The following MICAL3 variants were observed in gnomAD, a reference collection of about 807,000 sequenced individuals.
MICAL3 encodes microtubule associated monooxygenase, calponin and LIM domain containing 3, also known as [F-actin]-monooxygenase MICAL3.
A neutral mutation model predicts 207.4 loss-of-function variants in MICAL3; 62 were observed. The ratio of observed to expected loss-of-function variants is 0.30; its 90% confidence interval spans 0.24 to 0.37. The LOEUF is 0.37. Ranked by LOEUF, MICAL3 falls within the 10% of genes least tolerant of loss-of-function variation. The probability of loss-of-function intolerance (pLI) is 1.00; values close to 1 mark genes in which losing one functional copy is unlikely to be tolerated. For synonymous variants in MICAL3, 1,077 were observed against 1,069.3 expected (o/e 1.01, Z -0.14); for missense variants, 2,368 against 2,635.6 (o/e 0.90, Z 2.22).
chr22:17,933,930 T>C (rs993974897), intron 1 of MICAL3, among the ~76,000 whole-genome samples: 2 of 152,204 alleles, frequency 1.3e-5, no homozygotes, highest in African/African-American at 4.8e-5. Context: ...CAGGAAGAAG[T>C]TGAATCTCTG....
At chr22:17,992,018 C>T (rs1330969947) in intron 1 of MICAL3, among the ~76,000 whole-genome samples, 2 of 152,170 alleles carry the variant, frequency 1.3e-5, no homozygotes, top group Non-Finnish European at 2.9e-5. Flanking sequence ...CCTCCATGCC[C>T]AGGACTGCTC....
intron 20 of MICAL3, among the ~76,000 whole-genome samples, chr22:17,839,258 A>ATTTTTTTTTTT (rs58568915): frequency 1.3e-4 from 14 of 110,384 alleles, no homozygotes; most frequent in African/African-American, 4.2e-4. Flanking sequence ...CGGGCTCTTC[A>ATTTTTTTTTTT]TTTTTTTTTT....
At chr22:17,920,276 T>C (rs922686142) in intron 1 of MICAL3, among the ~76,000 whole-genome samples, 4 of 152,190 alleles carry the variant, frequency 2.6e-5, no homozygotes, top group Non-Finnish European at 4.4e-5. Context: ...TCTCCACCCA[T>C]AGGTGGGGCC....
intron 1 of MICAL3, among the ~76,000 whole-genome samples, chr22:18,002,322 G>A (rs1923088511): frequency 6.6e-6 from 1 of 151,394 alleles, no homozygotes; most frequent in African/African-American, 2.4e-5. Flanking sequence ...TTTTGGAGGA[G>A]GGCGCTAAGA....
At chr22:17,808,686 T>G (rs181881922) in intron 29 of MICAL3, among the ~76,000 whole-genome samples, 158 bp downstream of exon 29, 97 of 152,314 alleles carry the variant, frequency 6.4e-4, no homozygotes, top group African/African-American at 2.3e-3. Flanking sequence ...TATTTTCTTT[T>G]GCTTAACAGG....
chr22:18,018,769 TAC>T (rs71317122), intron 1 of MICAL3, among the ~76,000 whole-genome samples: 2 of 137,654 alleles, frequency 1.5e-5, no homozygotes, highest in African/African-American at 3.0e-5. Context: ...TCTATCTATC[TAC>T]ACACACACAC....
chr22:17,993,411 C>T (rs1407134568), intron 1 of MICAL3, among the ~76,000 whole-genome samples: 2 of 152,186 alleles, frequency 1.3e-5, no homozygotes, highest in Non-Finnish European at 2.9e-5. Context: ...AATGCTCTCC[C>T]TCCACTTGCC....
At chr22:18,014,601 A>T (rs1290745514) in intron 1 of MICAL3, among the ~76,000 whole-genome samples, 1 of 152,174 alleles carries the variant, frequency 6.6e-6, no homozygotes, top group Non-Finnish European at 1.5e-5. Context: ...GTTGTGACCT[A>T]CTTAAAATAT....
At chr22:17,854,070 C>T (rs1413152898) in intron 19 of MICAL3, among the ~76,000 whole-genome samples, 1 of 152,170 alleles carries the variant, frequency 6.6e-6, no homozygotes, top group Non-Finnish European at 1.5e-5. Flanking sequence ...ACCCCACGCC[C>T]ACTTCTCCCA....
intron 1 of MICAL3, among the ~76,000 whole-genome samples, chr22:17,994,040 C>T (rs547422600): frequency 2.2e-4 from 34 of 152,298 alleles, no homozygotes; most frequent in African/African-American, 7.0e-4. Flanking sequence ...GAGGACTGAG[C>T]GCGTTAAGAC....
chr22:17,904,865 C>A lies in MICAL3; in HGVS notation c.265-26G>T, dbSNP rs766425036. On this transcript the variant is annotated intron_variant, in intron 2 of 31. Transcript: ENST00000441493. ...CTGAAAAACACAGCTGCTTTCAGGGCAGGCGGCACTTCCAACAAACAATTC... is the reference window on the plus strand; with the variant it reads ...CTGAAAAACACAGCTGCTTTCAGGGAAGGCGGCACTTCCAACAAACAATTC... 4.6e-6 allele frequency: 7 copies of A among 1,532,048 alleles called. No homozygotes were observed. The African/African-American group carries it at 8.2e-5, about 18-fold the overall frequency. The allele number at this position is 1,532,048 out of a possible 1,614,324, so 94.9% of individuals were successfully genotyped here.
At chr22:17,891,973 A>G (rs1039950111) in intron 11 of MICAL3, among the ~76,000 whole-genome samples, 3 of 152,204 alleles carry the variant, frequency 2.0e-5, no homozygotes, top group Admixed American at 6.5e-5. Context: ...CCTGGCTTAC[A>G]GCAGCTCTGA....
chr22:18,008,214 G>C (rs1357405249), intron 1 of MICAL3, among the ~76,000 whole-genome samples: 2 of 152,084 alleles, frequency 1.3e-5, no homozygotes, highest in East Asian at 3.8e-4. Flanking sequence ...ACTCCAGCCT[G>C]GGTAAAAAGA....
intron 1 of MICAL3, among the ~76,000 whole-genome samples, chr22:17,907,909 A>C (rs558904800): frequency 6.6e-6 from 1 of 152,224 alleles, no homozygotes; most frequent in African/African-American, 2.4e-5. Context: ...CGAATTGAAC[A>C]GCAGTAAATG....
At chr22:17,837,160 A>C (rs1455364677) in intron 20 of MICAL3, among the ~76,000 whole-genome samples, 1 of 152,240 alleles carries the variant, frequency 6.6e-6, no homozygotes, top group African/African-American at 2.4e-5. Context: ...AATCCATGCT[A>C]AAACTAGCAT....
chr22:17,954,177 C>A (rs889726884), intron 1 of MICAL3, among the ~76,000 whole-genome samples: 2 of 152,014 alleles, frequency 1.3e-5, no homozygotes, highest in East Asian at 3.9e-4. Context: ...TCATCCTTAG[C>A]GCCTAGAACC....
chr22:17,810,542 T>C (rs2062036973), intron 28 of MICAL3, among the ~76,000 whole-genome samples, 161 bp downstream of exon 28: 1 of 152,220 alleles, frequency 6.6e-6, no homozygotes, highest in Non-Finnish European at 1.5e-5. Flanking sequence ...GCAGGGCCTC[T>C]GTGGCTGCAC....
chr22:17,926,717 G>A (rs541461374), intron 1 of MICAL3, among the ~76,000 whole-genome samples: 5 of 152,342 alleles, frequency 3.3e-5, no homozygotes, highest in African/African-American at 1.2e-4. Context: ...AGGCGTGGGC[G>A]TGCAGGCAAC....
At chr22:18,010,371 T>C (rs1313112417) in intron 1 of MICAL3, among the ~76,000 whole-genome samples, 3 of 152,150 alleles carry the variant, frequency 2.0e-5, no homozygotes, top group Non-Finnish European at 4.4e-5. Flanking sequence ...GCAAGGCACT[T>C]GTCTGGTTGC....
Sources: allele counts gnomAD v4.1 joint callset (sites outside exome capture counted in the v4.1 genomes callset), GRCh38; gene constraint gnomAD v4.1.1; transcripts MANE v1.5; gene names NCBI Gene and HGNC (gene_info 2026-07-23, HGNC 2026-07-21).